Variants in PDXDC1 observed in about 807,000 individuals in gnomAD.
PDXDC1 encodes the protein pyridoxal dependent decarboxylase domain containing 1.
PDXDC1 carries 42 observed loss-of-function variants against 100.1 expected under a neutral mutation model. That is an observed-to-expected ratio of 0.42 (90% confidence interval 0.33 to 0.54). PDXDC1 has a LOEUF of 0.54. PDXDC1 is among the 20% of genes least tolerant of loss of function. The pLI is 0.10. For synonymous variants in PDXDC1, 260 were observed against 371.7 expected (o/e 0.70, Z 3.46); for missense variants, 636 against 979.2 (o/e 0.65, Z 4.68).
At chr16:15,119,467 G>A (rs1255573298) in intron 16 of PDXDC1, among the ~76,000 whole-genome samples, 3 of 145,578 alleles carry the variant, frequency 2.1e-5, no homozygotes, top group Non-Finnish European at 4.5e-5. Flanking sequence ...CGCCCAGGCT[G>A]GAGTGCAGTG....
At chr16:15,128,315 T>C in intron 16 of PDXDC1, 1 of 1,609,238 alleles carries the variant, frequency 6.2e-7, no homozygotes, top group Non-Finnish European at 8.5e-7. Flanking sequence ...TGGAAGGCTC[T>C]GTCGCCATCC....
intron 1 of PDXDC1, among the ~76,000 whole-genome samples, chr16:14,991,004 C>A (rs1326329050): frequency 6.6e-6 from 1 of 152,274 alleles, no homozygotes; most frequent in African/African-American, 2.4e-5. Context: ...GGCCTCCCAA[C>A]GTGCTGGGAT....
intron 16 of PDXDC1, among the ~76,000 whole-genome samples, chr16:15,080,316 T>C (rs1171808417): frequency 1.3e-5 from 2 of 152,236 alleles, no homozygotes; most frequent in Non-Finnish European, 2.9e-5. Context: ...TGCATAACTA[T>C]AGGTTTTTAA....
intron 16 of PDXDC1, among the ~76,000 whole-genome samples, chr16:15,122,157 C>G (rs1478841861): frequency 6.6e-6 from 1 of 152,080 alleles, no homozygotes; most frequent in African/African-American, 2.4e-5. Context: ...GAGTGAGACT[C>G]TGTCTAAAAA....
chr16:15,070,192 T>G (rs775034897), intron 16 of PDXDC1: 1 of 1,608,436 alleles, frequency 6.2e-7, no homozygotes. Context: ...TGTTCCCGAA[T>G]CCTGGTTATT....
At chr16:15,096,387 G>A (rs1348618422) in intron 16 of PDXDC1, among the ~76,000 whole-genome samples, 2 of 152,110 alleles carry the variant, frequency 1.3e-5, no homozygotes, top group East Asian at 1.9e-4. Context: ...GGGATTACAG[G>A]CATGAGCCAC....
chr16:15,094,590 C>G (rs547502956), intron 16 of PDXDC1: 5 of 349,438 alleles, frequency 1.4e-5, no homozygotes, highest in Admixed American at 5.1e-5. Context: ...TCAGTCAAAT[C>G]GAAGAAACTG....
At chr16:15,074,614 G>A in intron 16 of PDXDC1, 1 of 763,332 alleles carries the variant, frequency 1.3e-6, no homozygotes, top group Non-Finnish European at 2.0e-6. Flanking sequence ...ATACTCAATA[G>A]ATATTTTTAC....
At chr16:15,038,615 C>T (rs2043657906), downstream of PDXDC1, 2 of 1,609,254 alleles carry the variant, frequency 1.2e-6, no homozygotes, top group African/African-American at 2.7e-5. Context: ...CAGAAATCCA[C>T]ATGTGGAAAT....
intron 16 of PDXDC1, among the ~76,000 whole-genome samples, chr16:15,098,640 AG>A (rs2046438377): frequency 1.3e-5 from 2 of 151,922 alleles, no homozygotes; most frequent in East Asian, 3.9e-4. Flanking sequence ...GCACTTTTGG[AG>A]GCCAAGGTGG....
At chr16:15,047,684 C>A in intron 16 of PDXDC1, 2 of 895,496 alleles carry the variant, frequency 2.2e-6, no homozygotes, top group South Asian at 1.4e-5. Flanking sequence ...GGTCTGTGCT[C>A]CCCAGCCAAC....
chr16:15,141,699 A>G (rs1215897470), downstream of PDXDC1, among the ~76,000 whole-genome samples: 1 of 152,192 alleles, frequency 6.6e-6, no homozygotes, highest in African/African-American at 2.4e-5. Context: ...CCCACTGCCC[A>G]TAAGGATGGG....
chr16:15,055,962 G>A, intron 16 of PDXDC1: 3 of 1,227,090 alleles, frequency 2.4e-6, no homozygotes, highest in Non-Finnish European at 3.0e-6. Context: ...CCCTCGACGA[G>A]CAGCGGCATC....
intron 21 of PDXDC1, among the ~76,000 whole-genome samples, chr16:15,034,874 T>C (rs2043308163): frequency 6.6e-6 from 1 of 152,202 alleles, no homozygotes; most frequent in Non-Finnish European, 1.5e-5. Context: ...TTAATACTTC[T>C]TGTCTTCATG....
chr16:15,069,941 A>C lies in PDXDC1; in HGVS notation c.1399+39885A>C, dbSNP rs2258388. ...TATGAGCTGCTTGAAATTATTATTA[A>C]AAGTTTGAGTGCACATGCAGTTTTC... On this transcript the variant is annotated intron_variant, in intron 16 of 16. Transcript: ENST00000535621. The C allele has an allele frequency of 6.5e-5, 90 of 1,392,348 alleles. No homozygotes were observed. In the African/African-American group the frequency reaches 9.6e-4, roughly 15 times the overall value. The allele number at this position is 1,392,348 out of a possible 1,614,324, so 86.2% of individuals were successfully genotyped here.
At chr16:15,111,300 T>C (rs1216461318) in intron 16 of PDXDC1, among the ~76,000 whole-genome samples, 1 of 143,464 alleles carries the variant, frequency 7.0e-6, no homozygotes, top group African/African-American at 2.5e-5. Flanking sequence ...CTGCTAAAAA[T>C]ACAAAATTAG....
At chr16:15,038,833 G>A (rs574546354), downstream of PDXDC1, 1 of 582,866 alleles carries the variant, frequency 1.7e-6, no homozygotes, top group African/African-American at 1.9e-5. Context: ...AAAGCTGCCA[G>A]CTACTGAACA....
At position 15,054,412 on chromosome 16, in the gene PDXDC1, A is replaced by G. The variant is rs189200296; in HGVS notation, c.1399+24356A>G. Among the ~76,000 whole-genome samples the G allele has an allele frequency of 2.2e-4, 34 of 152,298 alleles. No homozygotes were observed. The East Asian group carries it at 5.0e-3, about 22-fold the overall frequency. ...GCCCGGGACACCCATCTAACTTTCT[A>G]TCACGGACATTTTCAAACAGACATA... On this transcript the variant is annotated intron_variant, in intron 16 of 16. Coordinates refer to the PDXDC1 transcript ENST00000535621.
chr16:15,071,148 A>G, intron 16 of PDXDC1: 1 of 1,609,194 alleles, frequency 6.2e-7, no homozygotes, highest in Non-Finnish European at 8.5e-7. Context: ...AGCTCTTGCC[A>G]AAAAGCTTCC....
Sources: gnomAD v4.1 joint callset for allele counts (sites outside exome capture counted in the v4.1 genomes callset) on GRCh38, gnomAD v4.1.1 for gene constraint, MANE v1.5 for transcripts, NCBI Gene and HGNC (gene_info 2026-07-23, HGNC 2026-07-21) for gene names.